Variants in CDIN1 observed in about 807,000 individuals in gnomAD.
CDIN1 encodes CDAN1-interacting nuclease 1.
In CDIN1, 33 loss-of-function variants were observed where a neutral mutation model predicts 45.3. The ratio of observed to expected loss-of-function variants is 0.73; its 90% CI spans 0.55 to 0.97. The LOEUF (loss-of-function observed/expected upper bound fraction) is 0.97. Ranked by LOEUF, CDIN1 falls within the 50% of genes least tolerant of loss-of-function variation. The pLI is 0.00. For missense variants in CDIN1, 303 were observed against 339.4 expected (o/e 0.89, Z 0.84); for synonymous variants, 118 against 124.4 (o/e 0.95, Z 0.34).
intron 10 of CDIN1, among the ~76,000 whole-genome samples, chr15:36,736,390 T>C (rs2044020088): frequency 6.6e-6 from 1 of 152,322 alleles, no homozygotes; most frequent in South Asian, 2.1e-4. Flanking sequence ...TACCTTGATA[T>C]TCTTTCATGC....
chr15:36,675,271 G>A lies in CDIN1; in HGVS notation c.347-16414G>A, dbSNP rs141485644. ...TACACTTAATTGCTGCACTGTGGGA[G>A]TAATTTCTTCAGTTCTTAAAAATGT... On this transcript the variant is annotated intron_variant, in intron 5 of 10. Coordinates refer to ENST00000566621, the MANE Select transcript of CDIN1 (RefSeq NM_001321759.2). Among the ~76,000 whole-genome samples, 395 of 152,200 alleles carry A rather than the reference G, an allele frequency of 2.6e-3. 1 individual carries two copies. Among genetic ancestry groups the A allele is most frequent in the Non-Finnish European group, 2.7e-3 (182 of 67,986 alleles).
intron 10 of CDIN1, among the ~76,000 whole-genome samples, chr15:36,778,692 T>C (rs1275407543): frequency 5.3e-5 from 8 of 152,192 alleles, no homozygotes; most frequent in Admixed American, 3.9e-4. Context: ...GGGGAGAAAG[T>C]TGTATTTTTA....
chr15:36,750,669 C>G (rs1278188942), intron 10 of CDIN1, among the ~76,000 whole-genome samples: 1 of 152,178 alleles, frequency 6.6e-6, no homozygotes, highest in African/African-American at 2.4e-5. Flanking sequence ...TCCAGCTGCC[C>G]TCATTCCAAG....
At chr15:36,737,167 C>CAAAAAA (rs965614774) in intron 10 of CDIN1, among the ~76,000 whole-genome samples, 1 of 98,520 alleles carries the variant, frequency 1.0e-5, no homozygotes, top group African/African-American at 3.6e-5. Context: ...GACCCGGTCT[C>CAAAAAA]AAAAAAAAAA....
At chr15:36,637,134 G>A (rs1179381470) in intron 1 of CDIN1, among the ~76,000 whole-genome samples, 1 of 133,508 alleles carries the variant, frequency 7.5e-6, no homozygotes, top group African/African-American at 2.8e-5. Flanking sequence ...TCCCAAAATA[G>A]ATTCTCAGAT....
chr15:36,703,182 C>T (rs2042704987), intron 8 of CDIN1, among the ~76,000 whole-genome samples: 1 of 104,472 alleles, frequency 9.6e-6, no homozygotes, highest in African/African-American at 3.6e-5. Flanking sequence ...GGCACCTCTG[C>T]ACTCCAGCCT....
rs567641980 is a variant in CDIN1, at chr15:36,595,826, A to G, written c.101+15865A>G. ...GGGAGATGAATAGAGCTTACACACAAGGGAAGATATTGCTGTCCTTCAGCA... is the reference window on the plus strand; with the variant it reads ...GGGAGATGAATAGAGCTTACACACAGGGGAAGATATTGCTGTCCTTCAGCA... On this transcript the variant is annotated intron_variant, in intron 1 of 10. Coordinates refer to ENST00000566621, the MANE Select transcript of CDIN1 (RefSeq NM_001321759.2). Among the ~76,000 whole-genome samples, 379 of 152,328 alleles carry G rather than the reference A, an allele frequency of 2.5e-3. 2 individuals are homozygous for G. Among genetic ancestry groups the G allele is most frequent in the Non-Finnish European group, 4.2e-3 (288 of 68,026 alleles).
At chr15:36,767,578 A>T (rs2053961204) in intron 10 of CDIN1, among the ~76,000 whole-genome samples, 3 of 152,274 alleles carry the variant, frequency 2.0e-5, no homozygotes, top group Admixed American at 2.0e-4. Context: ...TGGGCTTCAT[A>T]TTCCCACCTG....
intron 10 of CDIN1, among the ~76,000 whole-genome samples, chr15:36,770,731 G>A (rs969842122): frequency 6.6e-6 from 1 of 152,192 alleles, no homozygotes; most frequent in Non-Finnish European, 1.5e-5. Context: ...TTACAGGCGT[G>A]AGCCACCACG....
chr15:36,648,342 T>A (rs1306605013), intron 3 of CDIN1, among the ~76,000 whole-genome samples: 1 of 152,104 alleles, frequency 6.6e-6, no homozygotes, highest in African/African-American at 2.4e-5. Flanking sequence ...TTGTAAACAT[T>A]TTTTGATTGC....
At chr15:36,681,355 C>T (rs945423340) in intron 5 of CDIN1, among the ~76,000 whole-genome samples, 1 of 151,972 alleles carries the variant, frequency 6.6e-6, no homozygotes, top group Non-Finnish European at 1.5e-5. Flanking sequence ...TAGGGTGACT[C>T]TAAGGAAAGC....
chr15:36,617,444 T>G, intron 1 of CDIN1: 1 of 1,034,160 alleles, frequency 9.7e-7, no homozygotes, highest in East Asian at 2.4e-5. Context: ...ACAGAAGACC[T>G]AAAAGAATGT....
chr15:36,721,790 G>C lies in CDIN1; in HGVS notation c.716+11829G>C, dbSNP rs75720923. The stretch of plus-strand genomic sequence containing the variant: ...GGAATTTCTCTCTCTCTCTCTCTCT[G>C]TCTGTCTGTCTGTCTCTGTGGGCAG... On this transcript the variant is annotated intron_variant, in intron 10 of 10. Coordinates refer to ENST00000566621, the MANE Select transcript of CDIN1 (RefSeq NM_001321759.2). 4.8e-3 allele frequency among the ~76,000 whole-genome samples: 712 copies of C among 149,860 alleles called. 10 individuals are homozygous for C. The highest frequency in any genetic ancestry group is 0.038 in the East Asian group (191 of 5,000).
At chr15:36,679,525 C>G (rs934406539) in intron 5 of CDIN1, among the ~76,000 whole-genome samples, 2 of 152,182 alleles carry the variant, frequency 1.3e-5, no homozygotes, top group Admixed American at 6.5e-5. Context: ...TGATTCTAGA[C>G]TCTGCTCATA....
intron 1 of CDIN1, among the ~76,000 whole-genome samples, chr15:36,586,192 G>GTTTTTT (rs10691719): frequency 2.1e-5 from 3 of 140,234 alleles, no homozygotes; most frequent in Admixed American, 7.1e-5. Flanking sequence ...TTACCTTTGA[G>GTTTTTT]TTTTTTTTTT....
chr15:36,797,979 C>CAAAAAAAAAAAA (rs570630838), intron 10 of CDIN1, among the ~76,000 whole-genome samples: 15 of 55,292 alleles, frequency 2.7e-4, no homozygotes, highest in African/African-American at 9.7e-4. Context: ...GACTCCATCT[C>CAAAAAAAAAAAA]AAAAAAAAAA....
At chr15:36,750,688 G>A (rs886945241) in intron 10 of CDIN1, among the ~76,000 whole-genome samples, 3 of 152,192 alleles carry the variant, frequency 2.0e-5, no homozygotes, top group South Asian at 2.1e-4. Flanking sequence ...AGTAAGGGCA[G>A]TTTTAAGAAT....
chr15:36,769,343 C>T (rs1175365357), intron 10 of CDIN1, among the ~76,000 whole-genome samples: 1 of 152,132 alleles, frequency 6.6e-6, no homozygotes, highest in African/African-American at 2.4e-5. Flanking sequence ...TAATATGTTC[C>T]TGAGTCCTAA....
chr15:36,809,701 TACTA>T lies in CDIN1; in HGVS notation c.*1250_*1253del, dbSNP rs1474388545. On this transcript the variant is annotated 3_prime_UTR_variant, in exon 11 of 11. Coordinates refer to ENST00000566621, the MANE Select transcript of CDIN1 (RefSeq NM_001321759.2). ...AATGTTGAATAGATGATATGGGAAA[TACTA>T]ATAACAACAATGTAATTTTTGCAGA... 2.0e-5 allele frequency: 3 copies of T among 152,154 alleles called. No homozygotes were observed. The highest frequency in any genetic ancestry group is 4.4e-5 in the Non-Finnish European group (3 of 68,028). 9.4% of individuals were successfully genotyped at this position (152,154 alleles called of 1,614,324 possible). A position where few individuals can be genotyped will look rare whatever the true frequency, so the allele number is the denominator to read the frequency against.
Sources: allele counts gnomAD v4.1 joint callset (sites outside exome capture counted in the v4.1 genomes callset), GRCh38; gene constraint gnomAD v4.1.1; transcripts MANE v1.5; gene names NCBI Gene and HGNC (gene_info 2026-07-23, HGNC 2026-07-21).